Variants in ASAH1 observed in about 807,000 individuals in gnomAD.
ASAH1 encodes N-acylsphingosine amidohydrolase 1, also known as acid ceramidase.
In ASAH1, 70 loss-of-function variants were observed where a neutral mutation model predicts 59.5. The ratio of observed to expected loss-of-function variants is 1.18; its 90% CI spans 0.97 to 1.43. The LOEUF (loss-of-function observed/expected upper bound fraction) is 1.43. Ranked by LOEUF, ASAH1 falls within the 40% of genes most tolerant of loss-of-function variation. The pLI, the probability that ASAH1 is intolerant of heterozygous loss-of-function variation, is 0.00. For missense variants in ASAH1, 660 were observed against 482.5 expected (o/e 1.37, Z -3.45); for synonymous variants, 213 against 166.5 (o/e 1.28, Z -2.15).
At chr8:18,059,199 C>CA (rs1799586004) in intron 12 of ASAH1, 142 bp downstream of exon 12, 3 of 1,383,494 alleles carry the variant, frequency 2.2e-6, no homozygotes, top group South Asian at 1.3e-5. Flanking sequence ...GAAAACGAAA[C>CA]AAAAAAATCA....
rs1188240285 is a variant in ASAH1, at chr8:18,075,042, C to A, written c.125+499G>T. ...ACAGAGTCTCACTCTGTCGCCCAGA[C>A]TGGAGTGCAGTGGTGCGATCTCGGC... On this transcript the variant is annotated intron_variant, in intron 2 of 13. Transcript: ENST00000637790. Among the ~76,000 whole-genome samples, 3 of 147,000 alleles carry A rather than the reference C, an allele frequency of 2.0e-5. 1 individual carries two copies. The highest frequency in any genetic ancestry group is 2.2e-4 in the South Asian group (1 of 4,490).
At chr8:18,074,700 T>C (rs1800320279) in intron 2 of ASAH1, among the ~76,000 whole-genome samples, 1 of 152,182 alleles carries the variant, frequency 6.6e-6, no homozygotes, top group South Asian at 2.1e-4. Flanking sequence ...ACTGAGGATT[T>C]GGAAAGACCA....
At chr8:18,084,231 T>A (rs1800795188), upstream of ASAH1, 4 of 1,476,584 alleles carry the variant, frequency 2.7e-6, no homozygotes, top group East Asian at 2.5e-5. Flanking sequence ...AGGACGGGGC[T>A]TTTCAGTGCC....
chr8:18,067,100 T>TGCACCTGTGCTGTATATCTAAGACAAACA, intron 5 of ASAH1, 120 bp downstream of exon 5: 3 of 548,488 alleles, frequency 5.5e-6, no homozygotes, highest in Non-Finnish European at 9.1e-6. Context: ...CTAAGACCTG[T>TGCACCTGTGCTGTATATCTAAGACAAACA]GCACCTGTGC....
At chr8:18,062,895 G>C (rs1282003556) in intron 7 of ASAH1, 6 of 300,520 alleles carry the variant, frequency 2.0e-5, no homozygotes, top group Non-Finnish European at 1.2e-5. Flanking sequence ...TTTTGAGATG[G>C]AGTCTGGCTC....
chr8:18,058,942 C>T, intron 12 of ASAH1, 51 bp from the exon 13 acceptor site: 1 of 1,508,014 alleles, frequency 6.6e-7, no homozygotes, highest in Non-Finnish European at 9.2e-7. Flanking sequence ...CAGAAGCCAA[C>T]AGCCTTATCT....
intron 2 of ASAH1, among the ~76,000 whole-genome samples, chr8:18,072,438 G>C (rs1800212851): frequency 6.6e-6 from 1 of 152,078 alleles, no homozygotes; most frequent in Admixed American, 6.6e-5. Flanking sequence ...GTGTAACTTG[G>C]GGCCCTGGTA....
chr8:18,058,174 A>G (rs1358080939), intron 13 of ASAH1: 1 of 153,536 alleles, frequency 6.5e-6, no homozygotes, highest in Admixed American at 6.5e-5. Context: ...AAACGCAAGT[A>G]TGGCAGGGCC....
chr8:18,074,040 T>C (rs1800287415), intron 2 of ASAH1, among the ~76,000 whole-genome samples: 1 of 152,120 alleles, frequency 6.6e-6, no homozygotes, highest in Admixed American at 6.5e-5. Flanking sequence ...GTCAGTAAAA[T>C]GCCTAATCAG....
rs1480730386 is a variant in ASAH1 at position 18,065,945 on chromosome 8, CA to C, written c.382+1274del. On this transcript the variant is annotated intron_variant, in intron 5 of 13. Transcript: ENST00000637790. The stretch of plus-strand genomic sequence containing the variant: ...ATGTATTGTATATTTATATCAAAGA[CA>C]CCACTGCAATTTGCTGAGGAAAGGA... The C allele has an allele frequency of 8.6e-5, 13 of 151,264 alleles. 1 individual carries two copies. The highest frequency in any genetic ancestry group is 3.2e-4 in the African/African-American group (13 of 41,176). The allele number at this position is 151,264 out of a possible 1,614,324, so 9.4% of individuals were successfully genotyped here. A position where few individuals can be genotyped will look rare whatever the true frequency, so the allele number is the denominator to read the frequency against.
intron 8 of ASAH1, 125 bp from the exon 9 acceptor site, chr8:18,061,865 T>C (rs1799715973): frequency 1.2e-5 from 11 of 911,140 alleles, no homozygotes; most frequent in Non-Finnish European, 3.5e-6. Context: ...CAAAAATAAA[T>C]CAAAACCATA....
rs140269917 is a variant in ASAH1 at position 18,062,082 on chromosome 8, G to C, written c.648+197C>G. 116 of 708,854 alleles carry C rather than the reference G, an allele frequency of 1.6e-4. 1 individual carries two copies. The East Asian group carries it at 2.2e-3, about 13-fold the overall frequency. The allele number at this position is 708,854 out of a possible 1,614,324, so 43.9% of individuals were successfully genotyped here. On this transcript the variant is annotated intron_variant, in intron 8 of 13. Coordinates refer to ENST00000637790, the MANE Select transcript of ASAH1 (RefSeq NM_177924.5). ...CAGCCACATGCTCTTTATCCCAGAAGAGGCTCAGAAACCTCCGTTTCCTTT... is the reference window on the plus strand; with the variant it reads ...CAGCCACATGCTCTTTATCCCAGAACAGGCTCAGAAACCTCCGTTTCCTTT...
chr8:18,056,984 A>G lies in ASAH1; in HGVS notation c.*550T>C, dbSNP rs945239532. ...CCCATTAAAAGAAATATACAGGTGA[A>G]TGTCTGTCTCATCCCTCTAATCATA... On this transcript the variant is annotated 3_prime_UTR_variant, in exon 14 of 14. Transcript: ENST00000637790. The G allele has an allele frequency of 6.4e-6, 1 of 155,568 alleles. No homozygotes were observed. Among genetic ancestry groups the G allele is most frequent in the African/African-American group, 2.4e-5 (1 of 41,488 alleles). 9.6% of individuals were successfully genotyped at this position (155,568 alleles called of 1,614,324 possible). A position where few individuals can be genotyped will look rare whatever the true frequency, so the allele number is the denominator to read the frequency against.
chr8:18,084,423 G>T (rs150820857), upstream of ASAH1: 447 of 1,371,946 alleles, frequency 3.3e-4, 1 homozygote, highest in African/African-American at 5.1e-3. Flanking sequence ...CGCCTCGATG[G>T]GGCGCCTCTA....
At chr8:18,073,068 C>G (rs960637214) in intron 2 of ASAH1, among the ~76,000 whole-genome samples, 2 of 152,168 alleles carry the variant, frequency 1.3e-5, no homozygotes, top group African/African-American at 2.4e-5. Flanking sequence ...ACCCCACAAA[C>G]CTCTCTACCA....
chr8:18,065,906 G>T (rs1324198921), intron 5 of ASAH1: 3 of 150,932 alleles, frequency 2.0e-5, no homozygotes, highest in Non-Finnish European at 4.4e-5. Flanking sequence ...GTGTGTGTGT[G>T]TGTGTATATA....
intron 1 of ASAH1, chr8:18,082,741 C>T (rs2117102468): frequency 6.6e-6 from 1 of 152,208 alleles, no homozygotes; most frequent in Admixed American, 6.5e-5. Flanking sequence ...TGTGTGGTCT[C>T]CTTTGCCTCA....
At chr8:18,073,280 T>C (rs1800251318) in intron 2 of ASAH1, 1 of 1,577,744 alleles carries the variant, frequency 6.3e-7, no homozygotes, top group Non-Finnish European at 8.7e-7. Flanking sequence ...GAAGACACTA[T>C]ATGAAAAATG....
intron 1 of ASAH1, among the ~76,000 whole-genome samples, chr8:18,078,736 C>G (rs1800519332): frequency 6.6e-6 from 1 of 152,080 alleles, no homozygotes; most frequent in Non-Finnish European, 1.5e-5. Context: ...CAGGTAAAAA[C>G]TTAAATAGAT....
Sources: gnomAD v4.1 joint callset for allele counts (sites outside exome capture counted in the v4.1 genomes callset) on GRCh38, gnomAD v4.1.1 for gene constraint, MANE v1.5 for transcripts, NCBI Gene and HGNC (gene_info 2026-07-23, HGNC 2026-07-21) for gene names.